PTGER3: variants seen among roughly 807,000 people sequenced by gnomAD.
PTGER3 encodes prostaglandin E receptor 3.
PTGER3 carries 22 observed loss-of-function variants against 34.7 expected under a neutral mutation model. The observed-to-expected ratio is 0.63, with a 90% CI of 0.45 to 0.91. The LOEUF is 0.91. Ranked by LOEUF, PTGER3 falls within the 40% of genes least tolerant of loss-of-function variation. The probability of loss-of-function intolerance (pLI) is 0.00; values close to 1 mark genes in which losing one functional copy is unlikely to be tolerated. For synonymous variants in PTGER3, 241 were observed against 230.1 expected, an observed-to-expected ratio of 1.05 and a Z score of -0.43; for missense variants, 468 against 519.4, an observed-to-expected ratio of 0.90 and a Z score of 0.96.
chr1:70,941,284 T>A (rs1649738838), intron 4 of PTGER3, among the ~76,000 whole-genome samples: 1 of 152,198 alleles, frequency 6.6e-6, no homozygotes, highest in Non-Finnish European at 1.5e-5. Context: ...TGAATACTTA[T>A]AAAATGGCTA....
intron 4 of PTGER3, among the ~76,000 whole-genome samples, chr1:70,942,301 A>G (rs759650718): frequency 9.2e-5 from 14 of 152,146 alleles, no homozygotes; most frequent in Non-Finnish European, 1.6e-4. Flanking sequence ...CCAACCCTGA[A>G]CTATTCCTTG....
chr1:70,883,803 C>G (rs1646441775), intron 4 of PTGER3: 1 of 185,778 alleles, frequency 5.4e-6, no homozygotes, highest in South Asian at 8.9e-5. Context: ...TGGCTCATGC[C>G]TGTAATCCCA....
At chr1:71,037,707 C>T (rs1010781555) in intron 1 of PTGER3, among the ~76,000 whole-genome samples, 7 of 147,712 alleles carry the variant, frequency 4.7e-5, no homozygotes, top group Non-Finnish European at 8.9e-5. Flanking sequence ...TTTTATCTTA[C>T]CGGTTAGAAA....
intron 4 of PTGER3, among the ~76,000 whole-genome samples, chr1:70,882,156 A>G (rs1646404048): frequency 6.6e-6 from 1 of 152,178 alleles, no homozygotes; most frequent in African/African-American, 2.4e-5. Context: ...AGCTGAGTTC[A>G]GGCAGAAGAG....
intron 4 of PTGER3, among the ~76,000 whole-genome samples, chr1:70,925,481 T>C (rs891397807): frequency 6.6e-6 from 1 of 152,190 alleles, no homozygotes; most frequent in Admixed American, 6.6e-5. Context: ...TTATCCATTG[T>C]AGCATTGTAC....
intron 4 of PTGER3, among the ~76,000 whole-genome samples, chr1:70,902,330 A>C (rs990624413): frequency 6.6e-6 from 1 of 152,210 alleles, no homozygotes; most frequent in Non-Finnish European, 1.5e-5. Context: ...GGTGCCATGC[A>C]GTTCTACACG....
At chr1:70,903,597 C>T (rs1265289491) in intron 4 of PTGER3, among the ~76,000 whole-genome samples, 1 of 152,114 alleles carries the variant, frequency 6.6e-6, no homozygotes, top group Non-Finnish European at 1.5e-5. Flanking sequence ...ACTACGAACC[C>T]ATGCTTCTTT....
chr1:70,891,522 A>G (rs1646616997), intron 4 of PTGER3, among the ~76,000 whole-genome samples: 1 of 152,006 alleles, frequency 6.6e-6, no homozygotes, highest in Admixed American at 6.6e-5. Context: ...GTCTATCTTA[A>G]GAAAAAAAAA....
In PTGER3 at chr1:71,010,144, T is replaced by C. The variant is rs569217147; in HGVS notation, c.1077+2161A>G. On this transcript the variant is annotated intron_variant, in intron 2 of 3. Transcript: ENST00000306666. ...ATAAGTGTCAGGTTTTTTGCCTTTC[T>C]GTATTTTTGCAGTTTGATGAAAAGT... The C allele has an allele frequency of 2.3e-5, 23 of 985,252 alleles. No homozygotes were observed. In the African/African-American group the frequency reaches 3.8e-4, roughly 16 times the overall value. 61.0% of individuals were successfully genotyped at this position (985,252 alleles called of 1,614,324 possible). A position where few individuals can be genotyped will look rare whatever the true frequency, so the allele number is the denominator to read the frequency against.
chr1:70,892,206 T>A (rs1646632344), intron 4 of PTGER3, among the ~76,000 whole-genome samples: 1 of 152,192 alleles, frequency 6.6e-6, no homozygotes, highest in South Asian at 2.1e-4. Flanking sequence ...TTCTATCACT[T>A]ATGAGCTGTT....
Position 70,971,696 on chromosome 1 carries a change from G to T in PTGER3, c.*34C>A. On this transcript the variant is annotated 3_prime_UTR_variant, in exon 4 of 4. Coordinates refer to ENST00000306666, the MANE Select transcript of PTGER3 (RefSeq NM_198719.2). ...GAAATATGCAAATTCAGGGAAGCAG[G>T]AATTGCAATAAAATGTCCAACTCCG... 6.4e-7 allele frequency: 1 copy of T among 1,552,236 alleles called. No individual in the cohort carries two copies.
intron 4 of PTGER3, among the ~76,000 whole-genome samples, chr1:70,921,238 G>C (rs949109977): frequency 6.6e-6 from 1 of 152,066 alleles, no homozygotes; most frequent in African/African-American, 2.4e-5. Context: ...TATGTACTCA[G>C]AGAAACACAA....
At chr1:70,948,524 C>T (rs1650439404), downstream of PTGER3, among the ~76,000 whole-genome samples, 3 of 152,218 alleles carry the variant, frequency 2.0e-5, no homozygotes, top group South Asian at 6.2e-4. Context: ...TGTGAACTAA[C>T]TAATACAGTC....
chr1:70,854,773 A>G (rs1645764116), intron 4 of PTGER3, among the ~76,000 whole-genome samples: 1 of 152,216 alleles, frequency 6.6e-6, no homozygotes, highest in Non-Finnish European at 1.5e-5. Context: ...AGTTCTTTAT[A>G]GCAGTGTGAG....
intron 4 of PTGER3, among the ~76,000 whole-genome samples, chr1:70,867,180 C>G (rs1216116958): frequency 2.0e-5 from 3 of 152,234 alleles, no homozygotes; most frequent in Non-Finnish European, 4.4e-5. Context: ...TTCTCCACCT[C>G]TAAGAGTTCT....
intron 4 of PTGER3, among the ~76,000 whole-genome samples, chr1:70,885,483 A>C (rs929318392): frequency 6.6e-6 from 1 of 152,214 alleles, no homozygotes; most frequent in African/African-American, 2.4e-5. Context: ...GATGCAAAAA[A>C]TTTTGCATAC....
intron 4 of PTGER3, among the ~76,000 whole-genome samples, chr1:70,907,677 A>G (rs1291271737): frequency 4.6e-5 from 7 of 152,200 alleles, no homozygotes; most frequent in Admixed American, 4.6e-4. Flanking sequence ...GGGAGCAACT[A>G]AATTACACAA....
intron 2 of PTGER3, among the ~76,000 whole-genome samples, chr1:70,957,118 A>C (rs902559681): frequency 6.6e-6 from 1 of 152,216 alleles, no homozygotes; most frequent in Non-Finnish European, 1.5e-5. Flanking sequence ...GGCAACAGTG[A>C]GACAACTATT....
intron 4 of PTGER3, among the ~76,000 whole-genome samples, chr1:70,921,104 A>G (rs576739679): frequency 6.6e-6 from 1 of 152,210 alleles, no homozygotes; most frequent in African/African-American, 2.4e-5. Context: ...TCGAAAAATG[A>G]GTAAAAAAGA....
Sources: gnomAD v4.1 joint callset for allele counts (sites outside exome capture counted in the v4.1 genomes callset) on GRCh38, gnomAD v4.1.1 for gene constraint, MANE v1.5 for transcripts, NCBI Gene and HGNC (gene_info 2026-07-23, HGNC 2026-07-21) for gene names.